Variants in RTL4 observed in about 807,000 individuals in gnomAD.
RTL4 encodes the protein retrotransposon Gag-like protein 4.
Under a neutral mutation model 5.3 loss-of-function variants are expected in RTL4, and 4 were observed. That is an observed-to-expected ratio of 0.75 (90% CI 0.37 to 1.72). The LOEUF (loss-of-function observed/expected upper bound fraction) is 1.72. RTL4 is among the 40% of genes most tolerant of loss of function. The probability of loss-of-function intolerance (pLI) is 0.04; values close to 1 mark genes in which losing one functional copy is unlikely to be tolerated. For synonymous variants in RTL4, 98 were observed against 87.3 expected, an observed-to-expected ratio of 1.12 and a Z score of -0.68; for missense variants, 260 against 227.1, an observed-to-expected ratio of 1.14 and a Z score of -0.93.
the RTL4 span, among the ~76,000 whole-genome samples, chrX:112,296,414 T>C: frequency 0.24 from 26,803 of 109,683 alleles, 2,748 homozygotes; most frequent in African/African-American, 0.34. Flanking sequence ...TTTAGCTACA[T>C]TACACCCTGT....
chrX:112,304,396 A>T, the RTL4 span, among the ~76,000 whole-genome samples: 1 of 110,919 alleles, frequency 9.0e-6, no homozygotes, highest in East Asian at 2.8e-4. Flanking sequence ...GGTTATTTTG[A>T]CAGTGTTGAT....
the RTL4 span, among the ~76,000 whole-genome samples, chrX:112,384,823 G>A: frequency 9.0e-6 from 1 of 111,681 alleles, no homozygotes; most frequent in African/African-American, 3.3e-5. Flanking sequence ...TCATGATATT[G>A]ATTCTTCCTA....
At chrX:112,183,968 T>C in the RTL4 span, among the ~76,000 whole-genome samples, 3 of 111,359 alleles carry the variant, frequency 2.7e-5, no homozygotes, top group African/African-American at 6.5e-5. Context: ...GCATGATTTA[T>C]AATCCTCTGG....
the RTL4 span, among the ~76,000 whole-genome samples, chrX:112,292,717 T>G: frequency 8.9e-6 from 1 of 111,849 alleles, no homozygotes; most frequent in Admixed American, 9.5e-5. Flanking sequence ...TTTTTTTCTT[T>G]TTGAACTGTG....
chrX:112,348,584 C>A, the RTL4 span, among the ~76,000 whole-genome samples: 2 of 110,492 alleles, frequency 1.8e-5, no homozygotes, highest in Admixed American at 1.9e-4. Flanking sequence ...AGATTGTTGC[C>A]ATCAGAAAGT....
chrX:112,329,318 A>T, the RTL4 span, among the ~76,000 whole-genome samples: 1 of 111,617 alleles, frequency 9.0e-6, no homozygotes, highest in South Asian at 3.8e-4. Context: ...AAAAAATGAT[A>T]AAGGGGATAT....
the RTL4 span, among the ~76,000 whole-genome samples, chrX:112,335,404 A>T: frequency 9.0e-6 from 1 of 111,567 alleles, no homozygotes; most frequent in South Asian, 3.7e-4. Flanking sequence ...CTTTAGATTT[A>T]TTTGCCATTT....
At chrX:112,330,796 T>C in the RTL4 span, among the ~76,000 whole-genome samples, 1 of 111,364 alleles carries the variant, frequency 9.0e-6, no homozygotes, top group Non-Finnish European at 1.9e-5. Context: ...ATGGTACTGG[T>C]ACCAAAACAG....
the RTL4 span, among the ~76,000 whole-genome samples, chrX:112,360,226 C>T: frequency 0.015 from 1,664 of 110,964 alleles, 33 homozygotes; most frequent in African/African-American, 0.052. Flanking sequence ...TCTCTAGGTC[C>T]TTTTAAATCA....
At chrX:112,349,999 T>A in the RTL4 span, among the ~76,000 whole-genome samples, 1 of 110,332 alleles carries the variant, frequency 9.1e-6, no homozygotes, top group Non-Finnish European at 1.9e-5. Context: ...TGGCTGTGGG[T>A]TTGTCATAGA....
chrX:112,160,092 G>A, the RTL4 span, among the ~76,000 whole-genome samples: 4 of 112,113 alleles, frequency 3.6e-5, no homozygotes, highest in Non-Finnish European at 5.6e-5. Flanking sequence ...CAGAGGATAA[G>A]TATTAATATT....
chrX:112,091,494 A>G, the RTL4 span, among the ~76,000 whole-genome samples: 9 of 111,826 alleles, frequency 8.0e-5, no homozygotes, highest in African/African-American at 2.9e-4. Flanking sequence ...CTTCTTTGAT[A>G]CGTTTGTCGT....
the RTL4 span, among the ~76,000 whole-genome samples, chrX:112,179,696 A>G: frequency 8.9e-6 from 1 of 112,628 alleles, no homozygotes; most frequent in South Asian, 3.7e-4. Flanking sequence ...CATTGAGTGA[A>G]CAAAACAAAC....
the RTL4 span, among the ~76,000 whole-genome samples, chrX:112,376,533 A>G: frequency 8.9e-6 from 1 of 112,273 alleles, no homozygotes; most frequent in Admixed American, 9.4e-5. Flanking sequence ...CTCAGATGGA[A>G]TGGCACTGAT....
the RTL4 span, among the ~76,000 whole-genome samples, chrX:112,243,348 C>A: frequency 9.0e-6 from 1 of 110,990 alleles, no homozygotes; most frequent in Admixed American, 9.6e-5. Flanking sequence ...GGTTAGTAGG[C>A]TATTAATTAT....
At chrX:112,179,115 A>T in the RTL4 span, among the ~76,000 whole-genome samples, 123 of 111,562 alleles carry the variant, frequency 1.1e-3, no homozygotes, top group African/African-American at 3.8e-3. Context: ...GGAGGTAAAA[A>T]GGCCCTGGTT....
At chrX:112,455,913 C>T in exon 1 of RTL4, 1 of 363,742 alleles carries the variant, frequency 2.7e-6, no homozygotes, top group Admixed American at 5.2e-5. Flanking sequence ...TCCAAGAGCA[C>T]CAAAAACCTG....
At chrX:112,452,089 C>CTTTTTTTT (rs763942705), upstream of RTL4, among the ~76,000 whole-genome samples, 1 of 91,001 alleles carries the variant, frequency 1.1e-5, no homozygotes, top group Non-Finnish European at 2.2e-5. Context: ...TGGGAAAGAC[C>CTTTTTTTT]TTTTTTTTTT....
chrX:112,258,729 G>T, the RTL4 span, among the ~76,000 whole-genome samples: 1 of 111,400 alleles, frequency 9.0e-6, no homozygotes, highest in South Asian at 3.7e-4. Flanking sequence ...AAATTTATCA[G>T]TTTTCCTACA....
Sources: allele counts gnomAD v4.1 joint callset (sites outside exome capture counted in the v4.1 genomes callset), GRCh38; gene constraint gnomAD v4.1.1; transcripts MANE v1.5; gene names NCBI Gene and HGNC (gene_info 2026-07-23, HGNC 2026-07-21).